The following AKAP6 variants were observed in gnomAD, a reference collection of about 807,000 sequenced individuals.
AKAP6 encodes A-kinase anchoring protein 6.
A neutral mutation model predicts 188.5 loss-of-function variants in AKAP6; 58 were observed. The observed-to-expected ratio is 0.31, with a 90% CI of 0.25 to 0.38. The LOEUF (loss-of-function observed/expected upper bound fraction) is 0.38. Ranked by LOEUF, AKAP6 falls within the 10% of genes least tolerant of loss-of-function variation. AKAP6 has a pLI of 1.00. For missense variants in AKAP6, 2,710 were observed against 2,740.0 expected, an observed-to-expected ratio of 0.99 and a Z score of 0.24; for synonymous variants, 989 against 998.6, an observed-to-expected ratio of 0.99 and a Z score of 0.18.
chr14:32,752,876 C>T (rs183891126), intron 11 of AKAP6, among the ~76,000 whole-genome samples: 46 of 152,082 alleles, frequency 3.0e-4, no homozygotes, highest in African/African-American at 9.9e-4. Context: ...TTTTTTAAGA[C>T]TGAATAGCAT....
intron 11 of AKAP6, among the ~76,000 whole-genome samples, chr14:32,762,245 A>T (rs929213090): frequency 2.3e-4 from 35 of 152,130 alleles, no homozygotes; most frequent in African/African-American, 7.7e-4. Flanking sequence ...TTCCAGGGAG[A>T]CTCTGTAATA....
chr14:32,336,477 AAG>A (rs994587777), intron 1 of AKAP6, among the ~76,000 whole-genome samples: 2 of 152,176 alleles, frequency 1.3e-5, no homozygotes, highest in African/African-American at 4.8e-5. Context: ...ATCATATGCT[AAG>A]AGAACAAACA....
chr14:32,476,190 C>T (rs1879058314), intron 2 of AKAP6, among the ~76,000 whole-genome samples: 1 of 152,024 alleles, frequency 6.6e-6, no homozygotes, highest in African/African-American at 2.4e-5. Context: ...TAATGCCTAC[C>T]ATATGTCAAA....
chr14:32,426,168 T>C (rs1890025799), intron 1 of AKAP6, among the ~76,000 whole-genome samples: 5 of 152,176 alleles, frequency 3.3e-5, no homozygotes. Context: ...CGCACTTATC[T>C]TTCCTTTACT....
intron 2 of AKAP6, among the ~76,000 whole-genome samples, chr14:32,464,528 T>G (rs1436110179): frequency 6.6e-6 from 1 of 152,220 alleles, no homozygotes; most frequent in African/African-American, 2.4e-5. Context: ...AGAAAAGGCC[T>G]TTGATAAAAT....
chr14:32,365,269 C>T (rs1436261712), intron 1 of AKAP6, among the ~76,000 whole-genome samples: 2 of 152,240 alleles, frequency 1.3e-5, no homozygotes, highest in South Asian at 2.1e-4. Context: ...ATGATTAAGT[C>T]GCAGGAGAAA....
At chr14:32,665,452 G>T (rs1012697093) in intron 7 of AKAP6, among the ~76,000 whole-genome samples, 6 of 152,020 alleles carry the variant, frequency 3.9e-5, no homozygotes, top group Admixed American at 2.0e-4. Context: ...ATGAAGAGAT[G>T]CATAGGGCGA....
chr14:32,561,111 A>C (rs1883938598), intron 4 of AKAP6, among the ~76,000 whole-genome samples: 1 of 152,232 alleles, frequency 6.6e-6, no homozygotes, highest in East Asian at 1.9e-4. Context: ...TAAGTCACTT[A>C]AAGCTTACTG....
At chr14:32,356,172 A>G (rs921598195) in intron 1 of AKAP6, among the ~76,000 whole-genome samples, 1 of 152,184 alleles carries the variant, frequency 6.6e-6, no homozygotes, top group East Asian at 1.9e-4. Context: ...AAACAAGAAC[A>G]TATTTTTTTC....
rs1156899092 is a variant in AKAP6 at position 32,433,194 on chromosome 14, G to T, written c.-34-266G>T. On this transcript the variant is annotated intron_variant, in intron 1 of 13. Coordinates refer to ENST00000280979, the MANE Select transcript of AKAP6 (RefSeq NM_004274.5). The stretch of plus-strand genomic sequence containing the variant: ...ATGAACAGCTAAAAACCAGGATTTT[G>T]TTACTAAGAAATAAGGGAAGAATAG... The T allele has an allele frequency of 2.0e-5, 6 of 304,048 alleles. No individual in the cohort carries two copies. The East Asian group carries it at 2.0e-4, about 10-fold the overall frequency. 18.8% of individuals were successfully genotyped at this position (304,048 alleles called of 1,614,324 possible). A position where few individuals can be genotyped will look rare whatever the true frequency, so the allele number is the denominator to read the frequency against.
chr14:32,699,710 T>C (rs1890549099), intron 9 of AKAP6, among the ~76,000 whole-genome samples: 1 of 152,198 alleles, frequency 6.6e-6, no homozygotes, highest in African/African-American at 2.4e-5. Flanking sequence ...GGCAATATCG[T>C]CAGCCTAGAA....
At chr14:32,689,137 A>C (rs1890057688) in intron 8 of AKAP6, among the ~76,000 whole-genome samples, 1 of 152,172 alleles carries the variant, frequency 6.6e-6, no homozygotes, top group African/African-American at 2.4e-5. Context: ...CTGATTTAAA[A>C]ATTCTTCAGA....
In AKAP6 at chr14:32,605,889, T is replaced by C. The variant is rs568546901; in HGVS notation, c.2730+5097T>C. Among the ~76,000 whole-genome samples, 3 of 152,324 alleles carry C rather than the reference T, an allele frequency of 2.0e-5. No individual in the cohort carries two copies. In the East Asian group the frequency reaches 5.8e-4, roughly 29 times the overall value. On this transcript the variant is annotated intron_variant, in intron 7 of 13. Coordinates refer to ENST00000280979, the MANE Select transcript of AKAP6 (RefSeq NM_004274.5). ...GCTACTGGGAGCTTGAGAAGCATAA[T>C]AGAAAATCTAAGGAATATATCTAGG...
At chr14:32,707,796 T>C (rs1890874275) in intron 9 of AKAP6, among the ~76,000 whole-genome samples, 1 of 152,140 alleles carries the variant, frequency 6.6e-6, no homozygotes, top group South Asian at 2.1e-4. Flanking sequence ...TAAAACTTTA[T>C]GTTCTTTTAT....
chr14:32,581,994 A>G (rs1884992593), intron 5 of AKAP6, among the ~76,000 whole-genome samples: 1 of 152,058 alleles, frequency 6.6e-6, no homozygotes, highest in African/African-American at 2.4e-5. Context: ...GTCCATTTAC[A>G]TTTAAAGTTA....
At chr14:32,477,129 T>C (rs1227663642) in intron 2 of AKAP6, among the ~76,000 whole-genome samples, 1 of 152,190 alleles carries the variant, frequency 6.6e-6, no homozygotes, top group African/African-American at 2.4e-5. Context: ...CAGAGTTCAG[T>C]CCTCAGTTCC....
chr14:32,525,901 A>G (rs1452615105), intron 2 of AKAP6, among the ~76,000 whole-genome samples: 1 of 152,158 alleles, frequency 6.6e-6, no homozygotes, highest in African/African-American at 2.4e-5. Context: ...ATAGCAAATC[A>G]TTTCCACATA....
intron 1 of AKAP6, among the ~76,000 whole-genome samples, chr14:32,352,253 TC>T (rs1887311809): frequency 6.6e-6 from 1 of 151,418 alleles, no homozygotes. Context: ...ACCTCCCATT[TC>T]TTTTTTTTTT....
intron 1 of AKAP6, among the ~76,000 whole-genome samples, chr14:32,380,314 A>T (rs1029979888): frequency 6.6e-6 from 1 of 152,034 alleles, no homozygotes; most frequent in African/African-American, 2.4e-5. Flanking sequence ...TTCTTTCCTT[A>T]CTTGTAGTAC....
Sources: gnomAD v4.1 joint callset for allele counts (sites outside exome capture counted in the v4.1 genomes callset) on GRCh38, gnomAD v4.1.1 for gene constraint, MANE v1.5 for transcripts, NCBI Gene and HGNC (gene_info 2026-07-23, HGNC 2026-07-21) for gene names.